The following ME1 variants were observed in gnomAD, a reference collection of about 807,000 sequenced individuals.
ME1 encodes the protein malic enzyme 1, also known as NADP-dependent malic enzyme.
Under a neutral mutation model 66.4 loss-of-function variants are expected in ME1, and 74 were observed. The observed-to-expected ratio is 1.11, with a 90% confidence interval of 0.92 to 1.35. The LOEUF is 1.35. Among genes scored for constraint, ME1 ranks in the 40% most tolerant of loss-of-function variants. The pLI is 0.00. For synonymous variants in ME1, 251 were observed against 235.6 expected (o/e 1.07, Z -0.60); for missense variants, 750 against 694.1 (o/e 1.08, Z -0.90).
intron 6 of ME1, among the ~76,000 whole-genome samples, chr6:83,289,424 T>A (rs1032022011): frequency 1.3e-5 from 2 of 152,232 alleles, no homozygotes; most frequent in African/African-American, 4.8e-5. Flanking sequence ...GTTTTTGTCA[T>A]TGGTTCTGTT....
chr6:83,414,761 T>A (rs1016177575), intron 1 of ME1, among the ~76,000 whole-genome samples: 1 of 152,208 alleles, frequency 6.6e-6, no homozygotes, highest in African/African-American at 2.4e-5. Flanking sequence ...GCCAACAATG[T>A]CAACACTAAA....
At chr6:83,217,106 A>G (rs1467953475) in intron 12 of ME1, among the ~76,000 whole-genome samples, 1 of 152,188 alleles carries the variant, frequency 6.6e-6, no homozygotes, top group African/African-American at 2.4e-5. Context: ...CAGACTCTGG[A>G]TTATCTAAAT....
chr6:83,342,798 T>C (rs1768613700), intron 5 of ME1, among the ~76,000 whole-genome samples: 1 of 152,162 alleles, frequency 6.6e-6, no homozygotes, highest in African/African-American at 2.4e-5. Flanking sequence ...GCGATTCTCC[T>C]GCCTCAGCCT....
chr6:83,313,882 G>A (rs1260021559), intron 6 of ME1, among the ~76,000 whole-genome samples: 2 of 152,128 alleles, frequency 1.3e-5, no homozygotes, highest in Non-Finnish European at 2.9e-5. Flanking sequence ...AATGTACCCA[G>A]CATTAAAACC....
intron 3 of ME1, among the ~76,000 whole-genome samples, chr6:83,384,042 C>T (rs1174500029): frequency 2.6e-5 from 4 of 151,682 alleles, no homozygotes; most frequent in South Asian, 2.1e-4. Flanking sequence ...TATGTGTATA[C>T]GCACCACATT....
chr6:83,262,418 T>C (rs1286683347), intron 6 of ME1, among the ~76,000 whole-genome samples: 1 of 152,218 alleles, frequency 6.6e-6, no homozygotes. Context: ...ATGTGCAAAC[T>C]TACAATAGAG....
chr6:83,267,560 T>C (rs772049391), intron 6 of ME1, among the ~76,000 whole-genome samples: 1 of 152,198 alleles, frequency 6.6e-6, no homozygotes, highest in Non-Finnish European at 1.5e-5. Flanking sequence ...AATAAAACTA[T>C]GTCTCTTAAG....
chr6:83,376,510 A>G (rs1271310829), intron 3 of ME1, among the ~76,000 whole-genome samples: 1 of 150,494 alleles, frequency 6.6e-6, no homozygotes, highest in African/African-American at 2.4e-5. Flanking sequence ...AAAAAAAAAG[A>G]AAAAAAGAGG....
intron 1 of ME1, among the ~76,000 whole-genome samples, chr6:83,425,910 G>C (rs1038541796): frequency 1.8e-5 from 2 of 113,816 alleles, no homozygotes; most frequent in African/African-American, 9.6e-5. Flanking sequence ...AAAAGTCCAT[G>C]TGTTGTTAAT....
At chr6:83,341,028 T>C (rs1768571247) in intron 5 of ME1, among the ~76,000 whole-genome samples, 1 of 151,950 alleles carries the variant, frequency 6.6e-6, no homozygotes, top group African/African-American at 2.4e-5. Flanking sequence ...AGTCACCGGG[T>C]GAACGCTGGC....
intron 6 of ME1, among the ~76,000 whole-genome samples, chr6:83,286,899 A>C (rs770128724): frequency 1.1e-4 from 17 of 152,162 alleles, no homozygotes; most frequent in Non-Finnish European, 2.5e-4. Flanking sequence ...CTTTCCGTAA[A>C]AGCAGCTTAA....
chr6:83,401,471 T>C (rs9294274), intron 2 of ME1, among the ~76,000 whole-genome samples: 9,074 of 152,184 alleles, frequency 0.06, 488 homozygotes, highest in African/African-American at 0.14. Flanking sequence ...GTAGCAAATA[T>C]ATGAAGGTCA....
intron 1 of ME1, among the ~76,000 whole-genome samples, chr6:83,409,681 C>T (rs1770009731): frequency 6.6e-6 from 1 of 152,192 alleles, no homozygotes; most frequent in Non-Finnish European, 1.5e-5. Context: ...CATGATAGAG[C>T]TCTCTGAGAT....
chr6:83,295,801 T>A (rs1324757013), intron 6 of ME1, among the ~76,000 whole-genome samples: 2 of 151,758 alleles, frequency 1.3e-5, no homozygotes, highest in Non-Finnish European at 2.9e-5. Flanking sequence ...AGAGGTAAGA[T>A]CCAAATAAAC....
intron 13 of ME1, among the ~76,000 whole-genome samples, chr6:83,214,553 A>C (rs1035745864): frequency 2.0e-5 from 3 of 152,138 alleles, no homozygotes; most frequent in African/African-American, 7.2e-5. Context: ...AGTCTCTTAA[A>C]ATCCTGACCA....
At chr6:83,283,365 G>A (rs991726582) in intron 6 of ME1, among the ~76,000 whole-genome samples, 1 of 151,474 alleles carries the variant, frequency 6.6e-6, no homozygotes, top group Non-Finnish European at 1.5e-5. Flanking sequence ...AGTGGGAAAT[G>A]AACAATGAGA....
At chr6:83,295,019 T>G (rs1384958443) in intron 6 of ME1, among the ~76,000 whole-genome samples, 2 of 152,218 alleles carry the variant, frequency 1.3e-5, no homozygotes, top group East Asian at 1.9e-4. Context: ...GGAACCCACT[T>G]TCAGAGCATT....
At chr6:83,263,773 CATAACATAACATAACATAACATAACAT>C (rs1766938819) in intron 6 of ME1, among the ~76,000 whole-genome samples, 1 of 40,358 alleles carries the variant, frequency 2.5e-5, no homozygotes, top group African/African-American at 1.6e-4. Context: ...CATAACATAA[CATAACATAACATAACATAACATAACAT>C]AACATAACAT....
chr6:83,405,711 TTG>T (rs1211911898), intron 2 of ME1, among the ~76,000 whole-genome samples: 6 of 148,290 alleles, frequency 4.0e-5, no homozygotes, highest in Admixed American at 6.7e-5. Context: ...GTTTTTTTTG[TTG>T]TTGTTGTTGT....
Sources: allele counts gnomAD v4.1 joint callset (sites outside exome capture counted in the v4.1 genomes callset), GRCh38; gene constraint gnomAD v4.1.1; transcripts MANE v1.5; gene names NCBI Gene and HGNC (gene_info 2026-07-23, HGNC 2026-07-21).